The following EEIG1 variants were observed in gnomAD, a reference collection of about 807,000 sequenced individuals.
EEIG1 encodes the protein early estrogen-induced gene 1 protein.
the EEIG1 span, chr9:127,947,946 C>T: frequency 1.8e-6 from 2 of 1,098,632 alleles, no homozygotes; most frequent in Non-Finnish European, 2.6e-6. Flanking sequence ...CCAGCAGGAG[C>T]ATGCAAACAC....
chr9:127,970,176 C>G, the EEIG1 span, among the ~76,000 whole-genome samples: 1 of 152,034 alleles, frequency 6.6e-6, no homozygotes, highest in Non-Finnish European at 1.5e-5. Flanking sequence ...TGCAGTGGCG[C>G]GATCTCCGCA....
chr9:127,944,128 A>G, the EEIG1 span: 2 of 183,042 alleles, frequency 1.1e-5, no homozygotes, highest in Admixed American at 1.1e-4. Flanking sequence ...CTTTGGTCCC[A>G]TCTACCCCTG....
At chr9:127,974,149 C>A in the EEIG1 span, among the ~76,000 whole-genome samples, 1 of 152,166 alleles carries the variant, frequency 6.6e-6, no homozygotes, top group Non-Finnish European at 1.5e-5. Flanking sequence ...CACTTGCCCA[C>A]TCTGCCTGCC....
At chr9:127,968,224 C>T in the EEIG1 span, among the ~76,000 whole-genome samples, 2 of 152,012 alleles carry the variant, frequency 1.3e-5, no homozygotes, top group African/African-American at 2.4e-5. Flanking sequence ...GTTGATTCAC[C>T]CAAGGAGGAA....
the EEIG1 span, chr9:127,950,753 C>A: frequency 1.5e-6 from 2 of 1,365,220 alleles, no homozygotes; most frequent in South Asian, 3.1e-5. Context: ...AACTCACATC[C>A]CTGAGCTGCA....
the EEIG1 span, among the ~76,000 whole-genome samples, chr9:127,946,543 C>A: frequency 6.6e-6 from 1 of 152,230 alleles, no homozygotes; most frequent in Non-Finnish European, 1.5e-5. Flanking sequence ...GAGGCCAGCT[C>A]CAGAGGCAAG....
chr9:127,950,446 G>T, the EEIG1 span: 1 of 1,613,948 alleles, frequency 6.2e-7, no homozygotes, highest in South Asian at 1.1e-5. Flanking sequence ...TTGTCCTGGC[G>T]AGTGTTCTTC....
chr9:127,956,737 C>T, the EEIG1 span, among the ~76,000 whole-genome samples: 1 of 149,184 alleles, frequency 6.7e-6, no homozygotes, highest in African/African-American at 2.5e-5. Context: ...TTATTTGAGA[C>T]AGAGTCTCAC....
the EEIG1 span, among the ~76,000 whole-genome samples, chr9:127,956,140 T>C: frequency 6.6e-6 from 1 of 152,172 alleles, no homozygotes; most frequent in Non-Finnish European, 1.5e-5. Flanking sequence ...GGCCCTAGGC[T>C]GGGGGCATCA....
At chr9:127,975,247 C>G in the EEIG1 span, among the ~76,000 whole-genome samples, 1 of 152,212 alleles carries the variant, frequency 6.6e-6, no homozygotes, top group Non-Finnish European at 1.5e-5. Flanking sequence ...CTAAAAGAAC[C>G]CCACCTGTGC....
At chr9:127,963,139 ACT>A in the EEIG1 span, among the ~76,000 whole-genome samples, 1 of 152,168 alleles carries the variant, frequency 6.6e-6, no homozygotes, top group East Asian at 1.9e-4. Flanking sequence ...GTTATCAGAG[ACT>A]CTTTCTTCGT....
the EEIG1 span, chr9:127,950,355 TCTGATGAGCAGC>T: frequency 6.6e-7 from 1 of 1,511,558 alleles, no homozygotes; most frequent in Admixed American, 1.7e-5. Flanking sequence ...TCCAGAGGAT[TCTGATGAGCAGC>T]CTGGTTTGTC....
At chr9:127,970,236 C>T in the EEIG1 span, among the ~76,000 whole-genome samples, 2 of 152,284 alleles carry the variant, frequency 1.3e-5, no homozygotes, top group East Asian at 3.9e-4. Context: ...GCCTCCTCAG[C>T]CTCCTGAGTA....
the EEIG1 span, chr9:127,948,268 G>T: frequency 6.3e-5 from 102 of 1,612,938 alleles, no homozygotes; most frequent in Non-Finnish European, 7.8e-5. Context: ...CCTGCTTCAG[G>T]ACCAGATGAA....
chr9:127,957,602 T>G, the EEIG1 span, among the ~76,000 whole-genome samples: 3 of 152,262 alleles, frequency 2.0e-5, no homozygotes, highest in Admixed American at 1.3e-4. Flanking sequence ...TTTGACAAGC[T>G]GATCCTAAAC....
the EEIG1 span, among the ~76,000 whole-genome samples, chr9:127,959,792 TTTCCTTTGTAAATTACCCAGTC>T: frequency 6.6e-6 from 1 of 152,228 alleles, no homozygotes; most frequent in Non-Finnish European, 1.5e-5. Context: ...ATTAAACTTC[TTTCCTTTGTAAATTACCCAGTC>T]TTCGGTATTT....
chr9:127,961,718 A>G, the EEIG1 span, among the ~76,000 whole-genome samples: 1 of 152,230 alleles, frequency 6.6e-6, no homozygotes, highest in Non-Finnish European at 1.5e-5. Context: ...TGAGGGCCAG[A>G]GAAGGTCTTC....
chr9:127,952,075 T>C, the EEIG1 span, among the ~76,000 whole-genome samples: 1 of 152,236 alleles, frequency 6.6e-6, no homozygotes, highest in African/African-American at 2.4e-5. Flanking sequence ...TGTTTGCCAG[T>C]GGAGGTGAGA....
chr9:127,945,543 C>T, the EEIG1 span: 4,943 of 1,564,256 alleles, frequency 3.2e-3, 230 homozygotes, highest in East Asian at 0.091. This position sits in a 1 kb window ranked among gnomAD's most constrained non-coding sequence, Gnocchi z 6.5. Flanking sequence ...TGGAGGAGCG[C>T]GAGTGCTCTG....
Sources: allele counts gnomAD v4.1 joint callset (sites outside exome capture counted in the v4.1 genomes callset), GRCh38; gene constraint gnomAD v4.1.1; non-coding constraint Gnocchi (gnomAD v3.1); transcripts MANE v1.5; gene names NCBI Gene and HGNC (gene_info 2026-07-23, HGNC 2026-07-21).